Variants in BRAF observed in about 807,000 individuals in gnomAD.
The protein encoded by BRAF is serine/threonine-protein kinase B-raf.
Under a neutral mutation model 104.6 loss-of-function variants are expected in BRAF, and 16 were observed. The observed-to-expected ratio is 0.15, with a 90% CI of 0.10 to 0.23. BRAF has a LOEUF of 0.23. Among genes scored for constraint, BRAF ranks in the 10% least tolerant of loss-of-function variants. The pLI, the probability that BRAF is intolerant of heterozygous loss-of-function variation, is 1.00. For synonymous variants in BRAF, 310 were observed against 341.6 expected (o/e 0.91, Z 1.02); for missense variants, 541 against 937.3 (o/e 0.58, Z 5.52).
Position 140,794,370 on chromosome 7 carries a change from G to T in BRAF, c.1078C>A (p.Arg360=), listed in dbSNP as rs1454325200. 1 of 1,613,906 alleles carries T rather than the reference G, an allele frequency of 6.2e-7. No homozygotes were observed. Among genetic ancestry groups the T allele is most frequent in the Admixed American group, 1.7e-5 (1 of 59,988 alleles). Residue 360 remains arginine (R), a synonymous_variant, in exon 8 of 20, where the codon CGA becomes AGA. Transcript: ENST00000644969. The part of the protein sequence containing the change: ...DEDHRNQFGQ[R]DRSSSAPNVH... ...TTGGGAGCTGATGAGGATCGGTCTCGTTGCCCAAATTGATTTCGATGATCT... is the reference window on the plus strand; with the variant it reads ...TTGGGAGCTGATGAGGATCGGTCTCTTTGCCCAAATTGATTTCGATGATCT...
At chr7:140,923,595 C>A (rs1818500477) in intron 1 of BRAF, among the ~76,000 whole-genome samples, 1 of 152,142 alleles carries the variant, frequency 6.6e-6, no homozygotes, top group South Asian at 2.1e-4. Context: ...TGTGAATGCA[C>A]AATGGACGAC....
intron 5 of BRAF, among the ~76,000 whole-genome samples, chr7:140,804,135 C>T (rs1803410400): frequency 4.0e-5 from 6 of 151,758 alleles, no homozygotes; most frequent in African/African-American, 1.5e-4. Flanking sequence ...GATCCGCCTG[C>T]CTCGTCTTCC....
chr7:140,914,163 T>C lies in BRAF; in HGVS notation c.138+10403A>G, dbSNP rs1817324902. 2.0e-5 allele frequency among the ~76,000 whole-genome samples: 3 copies of C among 152,232 alleles called. No individual in the cohort carries two copies. The South Asian group carries it at 6.2e-4, about 31-fold the overall frequency. On this transcript the variant is annotated intron_variant, in intron 1 of 19. Coordinates refer to ENST00000644969, the MANE Select transcript of BRAF (RefSeq NM_001374258.1). The stretch of plus-strand genomic sequence containing the variant: ...CTTAAAAATCAACAGAAAACACTAC[T>C]ATAATTTTGTGAAGGCTTTTACATA...
At chr7:140,788,630 C>A (rs973805602) in intron 8 of BRAF, among the ~76,000 whole-genome samples, 7 of 152,026 alleles carry the variant, frequency 4.6e-5, no homozygotes, top group African/African-American at 1.7e-4. Flanking sequence ...GCTCTGTCGC[C>A]CAGGCTGGAG....
intron 1 of BRAF, among the ~76,000 whole-genome samples, chr7:140,879,267 T>C (rs1042977656): frequency 1.3e-5 from 2 of 151,558 alleles, no homozygotes; most frequent in Non-Finnish European, 2.9e-5. Flanking sequence ...CTGCAACCTC[T>C]GCCTCCCGGG....
chr7:140,871,134 C>T (rs943132034), intron 1 of BRAF, among the ~76,000 whole-genome samples: 3 of 141,034 alleles, frequency 2.1e-5, no homozygotes, highest in African/African-American at 7.7e-5. Flanking sequence ...ACCAGGTACT[C>T]GGGAGGGTGA....
chr7:140,827,232 G>C (rs1806157369), intron 3 of BRAF, among the ~76,000 whole-genome samples: 1 of 152,294 alleles, frequency 6.6e-6, no homozygotes, highest in African/African-American at 2.4e-5. Flanking sequence ...ACTGATTGTA[G>C]ACTGTTTCCT....
chr7:140,913,116 C>A (rs1817186031), intron 1 of BRAF, among the ~76,000 whole-genome samples: 1 of 152,172 alleles, frequency 6.6e-6, no homozygotes, highest in Admixed American at 6.5e-5. Flanking sequence ...ACCCTGACCT[C>A]CCTATTTAAA....
In BRAF at chr7:140,834,502, A is replaced by G. The variant is rs1807105177; in HGVS notation, c.504+107T>C. 2.7e-6 allele frequency: 4 copies of G among 1,472,700 alleles called. No homozygotes were observed. In the East Asian group the frequency reaches 9.2e-5, roughly 34 times the overall value. 91.2% of individuals were successfully genotyped at this position (1,472,700 alleles called of 1,614,324 possible). A position where few individuals can be genotyped will look rare whatever the true frequency, so the allele number is the denominator to read the frequency against. ...ATTCCTGTATGACATGGATGCCTCTATTTGCATGACCTCTGAGTATGAAGT... is the reference window on the plus strand; with the variant it reads ...ATTCCTGTATGACATGGATGCCTCTGTTTGCATGACCTCTGAGTATGAAGT... On this transcript the variant is annotated intron_variant, in intron 3 of 19. Coordinates refer to ENST00000644969, the MANE Select transcript of BRAF (RefSeq NM_001374258.1).
In BRAF at chr7:140,777,205, T is replaced by C. The variant is rs71645984; in HGVS notation, c.1638-117A>G. On this transcript the variant is annotated intron_variant, in intron 13 of 19. Coordinates refer to ENST00000644969, the MANE Select transcript of BRAF (RefSeq NM_001374258.1). ...TTGTCAGAAAAAGCTTTTTTTTTTT[T>C]AAAAAAGGCAACAAAAGGATACATT... 5.4e-6 allele frequency: 5 copies of C among 931,530 alleles called. No individual in the cohort carries two copies. In the East Asian group the frequency reaches 8.4e-5, roughly 16 times the overall value. 57.7% of individuals were successfully genotyped at this position (931,530 alleles called of 1,614,324 possible).
At chr7:140,830,788 C>T (rs1056086195) in intron 3 of BRAF, among the ~76,000 whole-genome samples, 3 of 152,222 alleles carry the variant, frequency 2.0e-5, no homozygotes, top group African/African-American at 7.2e-5. Flanking sequence ...GAAGGTGATG[C>T]TCCTAAAGAG....
At chr7:140,752,722 C>T (rs1256301350) in intron 16 of BRAF, among the ~76,000 whole-genome samples, 1 of 152,076 alleles carries the variant, frequency 6.6e-6, no homozygotes, top group East Asian at 1.9e-4. Flanking sequence ...TTATGAGATA[C>T]TTTCTAGTCT....
chr7:140,753,304 C>A lies in BRAF; in HGVS notation c.1951G>T (p.Glu651Ter). 1 of 1,612,004 alleles carries A rather than the reference C, an allele frequency of 6.2e-7. No individual in the cohort carries two copies. Among genetic ancestry groups the A allele is most frequent in the South Asian group, 1.1e-5 (1 of 91,012 alleles). ...CACAAAATGGATCCAGACAACTGTTCAAACTGATGGGACCCACTCCATCGA... is the reference window on the plus strand; with the variant it reads ...CACAAAATGGATCCAGACAACTGTTAAAACTGATGGGACCCACTCCATCGA... ...KSRWSGSHQFEQLSGSILWMA... is the reference protein window; with the variant it reads ...KSRWSGSHQF The change falls in exon 16 of 20, where the codon GAA becomes TAA. Residue 651 changes from glutamate to a stop codon, truncating the protein, a stop_gained. Coordinates refer to ENST00000644969, the MANE Select transcript of BRAF (RefSeq NM_001374258.1). LOFTEE classifies it high-confidence loss of function.
intron 1 of BRAF, among the ~76,000 whole-genome samples, chr7:140,851,850 G>C (rs185844401): frequency 1.3e-5 from 2 of 152,272 alleles, no homozygotes; most frequent in East Asian, 3.9e-4. Context: ...GGCCATTTGA[G>C]ATTTTGGAAA....
At chr7:140,899,102 A>G (rs1466514070) in intron 1 of BRAF, among the ~76,000 whole-genome samples, 2 of 152,098 alleles carry the variant, frequency 1.3e-5, no homozygotes, top group African/African-American at 4.8e-5. Context: ...GAGCAATCTT[A>G]TATATATGCT....
chr7:140,742,340 C>T (rs993766040), intron 17 of BRAF, among the ~76,000 whole-genome samples: 2 of 151,866 alleles, frequency 1.3e-5, no homozygotes, highest in South Asian at 4.2e-4. Flanking sequence ...TACAGGTGCA[C>T]ACCACCATGC....
chr7:140,749,523 G>T, intron 16 of BRAF, 105 bp from the exon 16 acceptor site: 1 of 1,193,526 alleles, frequency 8.4e-7, no homozygotes, highest in Non-Finnish European at 1.2e-6. Flanking sequence ...TAAAACACCT[G>T]TCTAATATGT....
At chr7:140,815,161 A>C (rs1004283206) in intron 3 of BRAF, among the ~76,000 whole-genome samples, 1 of 148,562 alleles carries the variant, frequency 6.7e-6, no homozygotes, top group African/African-American at 2.5e-5. Flanking sequence ...TTTTTGAGAC[A>C]GAGTCTCGCT....
chr7:140,826,831 A>G (rs569087851), intron 3 of BRAF, among the ~76,000 whole-genome samples: 3 of 152,358 alleles, frequency 2.0e-5, no homozygotes, highest in South Asian at 2.1e-4. Flanking sequence ...CGTTAATTCC[A>G]TAACAATATG....
Sources: allele counts gnomAD v4.1 joint callset (sites outside exome capture counted in the v4.1 genomes callset), GRCh38; gene constraint gnomAD v4.1.1; transcripts MANE v1.5; gene names NCBI Gene and HGNC (gene_info 2026-07-23, HGNC 2026-07-21).